PARVA: variants seen among roughly 807,000 people sequenced by gnomAD.
The protein encoded by PARVA is parvin alpha.
In PARVA, 25 loss-of-function variants were observed where a neutral mutation model predicts 52.6. The observed-to-expected ratio is 0.48, with a 90% CI of 0.35 to 0.66. PARVA has a LOEUF of 0.66. Among genes scored for constraint, PARVA ranks in the 30% least tolerant of loss-of-function variants. PARVA has a pLI of 0.01. For synonymous variants in PARVA, 185 were observed against 179.1 expected, an observed-to-expected ratio of 1.03 and a Z score of -0.26; for missense variants, 373 against 450.9, an observed-to-expected ratio of 0.83 and a Z score of 1.56.
intron 1 of PARVA, among the ~76,000 whole-genome samples, chr11:12,393,699 C>A (rs1310244330): frequency 6.6e-6 from 1 of 152,110 alleles, no homozygotes; most frequent in Non-Finnish European, 1.5e-5. Flanking sequence ...AGCTATGTGG[C>A]CACACCTAAG....
chr11:12,457,799 T>TATTGCACACAG (rs1554897406), intron 1 of PARVA, among the ~76,000 whole-genome samples: 1 of 151,976 alleles, frequency 6.6e-6, no homozygotes, highest in Non-Finnish European at 1.5e-5. Flanking sequence ...GTCCTTCAGA[T>TATTGCACACAG]ATGCACAATT....
chr11:12,495,030 G>C (rs529402849), intron 4 of PARVA, among the ~76,000 whole-genome samples: 1 of 152,278 alleles, frequency 6.6e-6, no homozygotes, highest in South Asian at 2.1e-4. Flanking sequence ...GGGAAAAAGT[G>C]AAAGAAAATA....
chr11:12,508,571 A>AC lies in PARVA; in HGVS notation c.658-8dup. Reference sequence around the variant, plus strand: ...TCTTCTCCTCCCAACCCCTTTCCCCACCCCCATTTCAGAAACGAGAAGGAA... The same window carrying AC: ...TCTTCTCCTCCCAACCCCTTTCCCCACCCCCCATTTCAGAAACGAGAAGGAA... On this transcript the variant is annotated splice_polypyrimidine_tract_variant and intron_variant, in intron 6 of 12. Coordinates refer to ENST00000334956, the MANE Select transcript of PARVA (RefSeq NM_018222.5). 1.3e-6 allele frequency: 2 copies of AC among 1,598,012 alleles called. No homozygotes were observed. Among genetic ancestry groups the AC allele is most frequent in the Non-Finnish European group, 1.7e-6 (2 of 1,167,978 alleles).
At chr11:12,396,299 AAT>A (rs1939744539) in intron 1 of PARVA, among the ~76,000 whole-genome samples, 3 of 152,236 alleles carry the variant, frequency 2.0e-5, no homozygotes, top group African/African-American at 7.2e-5. Flanking sequence ...TAATAAGATA[AAT>A]CAACAGTGAC....
In PARVA at chr11:12,517,691, C is replaced by T; in HGVS notation, c.949C>T (p.Pro317Ser). ...GCCCCTGCACAGCTTCTTCCTGACC[C>T]CGGACAGCTTTGAACAGAAGGTAAG... Reference protein sequence around the residue: ...FVPLHSFFLTPDSFEQKVLNV... With the variant: ...FVPLHSFFLTSDSFEQKVLNV... Residue 317 changes from proline to serine, a missense_variant, in exon 11 of 13, where the codon CCG (proline) becomes TCG (serine). Coordinates refer to ENST00000334956, the MANE Select transcript of PARVA (RefSeq NM_018222.5). The T allele has an allele frequency of 6.2e-7, 1 of 1,601,590 alleles. No homozygotes were observed. The highest frequency in any genetic ancestry group is 8.5e-7 in the Non-Finnish European group (1 of 1,173,712).
intron 1 of PARVA, among the ~76,000 whole-genome samples, chr11:12,469,751 T>A (rs1443096248): frequency 2.6e-5 from 4 of 152,218 alleles, no homozygotes; most frequent in African/African-American, 9.6e-5. Context: ...CATTTCCAAT[T>A]GCAAACATAT....
At position 12,532,512 on chromosome 11, in the gene PARVA, G is replaced by A. The variant is rs1395416007; in HGVS notation, c.*4587G>A. On this transcript the variant is annotated 3_prime_UTR_variant, in exon 13 of 13. Transcript: ENST00000334956. ...ATTTAGTCATATATTCGGCAAGTATGTGTTGAGTGCAGCATGTCCAAGGGT... is the reference window on the plus strand; with the variant it reads ...ATTTAGTCATATATTCGGCAAGTATATGTTGAGTGCAGCATGTCCAAGGGT... Among the ~76,000 whole-genome samples the A allele has an allele frequency of 6.6e-6, 1 of 152,200 alleles. No individual in the cohort carries two copies. Among genetic ancestry groups the A allele is most frequent in the Non-Finnish European group, 1.5e-5 (1 of 68,038 alleles).
chr11:12,458,523 C>T (rs957755259), intron 1 of PARVA, among the ~76,000 whole-genome samples: 2 of 152,202 alleles, frequency 1.3e-5, no homozygotes, highest in South Asian at 4.1e-4. Context: ...GTTGCTTCTT[C>T]CTTGGAGGAA....
chr11:12,396,412 A>G (rs558355591), intron 1 of PARVA, among the ~76,000 whole-genome samples: 24 of 152,306 alleles, frequency 1.6e-4, no homozygotes, highest in Non-Finnish European at 2.9e-4. Flanking sequence ...TTGTGAGGCA[A>G]GCCTGGGAAG....
chr11:12,526,470 T>C (rs11022386), intron 12 of PARVA, among the ~76,000 whole-genome samples: 42,895 of 152,078 alleles, frequency 0.28, 6,637 homozygotes, highest in East Asian at 0.39. Flanking sequence ...TTTTTAATCA[T>C]TTTTATTGTG....
intron 1 of PARVA, among the ~76,000 whole-genome samples, chr11:12,396,959 TCTTTC>T (rs962399814): frequency 1.1e-4 from 17 of 152,094 alleles, no homozygotes; most frequent in South Asian, 2.1e-4. Flanking sequence ...GTACTTGTTT[TCTTTC>T]CTTTCCTTTC....
At chr11:12,394,550 T>A (rs1939706594) in intron 1 of PARVA, among the ~76,000 whole-genome samples, 1 of 152,186 alleles carries the variant, frequency 6.6e-6, no homozygotes, top group African/African-American at 2.4e-5. Flanking sequence ...CATCAAATAA[T>A]GCAGTGTAGG....
At chr11:12,383,986 T>C (rs1007048155) in intron 1 of PARVA, among the ~76,000 whole-genome samples, 1 of 152,126 alleles carries the variant, frequency 6.6e-6, no homozygotes, top group Non-Finnish European at 1.5e-5. Context: ...ATGAGCTCCT[T>C]CAAGTTCCCT....
At chr11:12,385,984 T>C (rs765999353) in intron 1 of PARVA, among the ~76,000 whole-genome samples, 15 of 152,178 alleles carry the variant, frequency 9.9e-5, no homozygotes, top group Non-Finnish European at 2.2e-4. Context: ...TATCTAAATA[T>C]CACTGCTTTA....
At chr11:12,431,075 A>G (rs1378442904) in intron 1 of PARVA, among the ~76,000 whole-genome samples, 1 of 152,186 alleles carries the variant, frequency 6.6e-6, no homozygotes, top group Non-Finnish European at 1.5e-5. Context: ...GGAAGGCGGG[A>G]ATAACCTGTC....
chr11:12,390,880 G>T (rs1349558887), intron 1 of PARVA, among the ~76,000 whole-genome samples: 1 of 152,088 alleles, frequency 6.6e-6, no homozygotes, highest in East Asian at 1.9e-4. Context: ...CAGGAGGAGG[G>T]TAACACAATT....
chr11:12,491,455 C>T (rs1361573198), intron 4 of PARVA, among the ~76,000 whole-genome samples: 1 of 152,150 alleles, frequency 6.6e-6, no homozygotes, highest in African/African-American at 2.4e-5. Context: ...GGCATAAAGC[C>T]ACCACGCCCA....
In PARVA at chr11:12,442,084, G is replaced by T. The variant is rs547217981; in HGVS notation, c.137-31661G>T. 6.6e-5 allele frequency among the ~76,000 whole-genome samples: 10 copies of T among 152,194 alleles called. No individual in the cohort carries two copies. The South Asian group carries it at 1.9e-3, about 28-fold the overall frequency. ...TACCAATCCAAACTTTACTTGATGC[G>T]TGGACCAGTTCAGCAGCATGGAGGC... On this transcript the variant is annotated intron_variant, in intron 1 of 12. Transcript: ENST00000334956.
intron 1 of PARVA, among the ~76,000 whole-genome samples, chr11:12,416,129 G>T (rs7118571): frequency 0.14 from 21,247 of 152,106 alleles, 1,981 homozygotes; most frequent in East Asian, 0.31. Context: ...TGAAACTGAT[G>T]GACTAGCACA....
Sources: gnomAD v4.1 joint callset for allele counts (sites outside exome capture counted in the v4.1 genomes callset) on GRCh38, gnomAD v4.1.1 for gene constraint, MANE v1.5 for transcripts, NCBI Gene and HGNC (gene_info 2026-07-23, HGNC 2026-07-21) for gene names.